FAM107B: variants seen among roughly 807,000 people sequenced by gnomAD.
FAM107B encodes the protein family with sequence similarity 107 member B.
Under a neutral mutation model 31.5 loss-of-function variants are expected in FAM107B, and 21 were observed. That is an observed-to-expected ratio of 0.67 (90% CI 0.47 to 0.96). The LOEUF is 0.96. Among genes scored for constraint, FAM107B ranks in the 40% least tolerant of loss-of-function variants. The pLI is 0.00. For missense variants in FAM107B, 452 were observed against 377.1 expected (o/e 1.20, Z -1.64); for synonymous variants, 157 against 141.5 (o/e 1.11, Z -0.78).
chr10:14,691,893 C>CAAA (rs58734762), intron 1 of FAM107B, among the ~76,000 whole-genome samples: 338 of 129,190 alleles, frequency 2.6e-3, no homozygotes, highest in East Asian at 6.9e-3. Flanking sequence ...GACTCTGTCA[C>CAAA]AAAAAAAAAA....
chr10:14,763,957 T>C (rs1833110712), intron 1 of FAM107B, among the ~76,000 whole-genome samples: 1 of 152,222 alleles, frequency 6.6e-6, no homozygotes, highest in Admixed American at 6.5e-5. Flanking sequence ...GTGTCTATGA[T>C]TTTCTTGTAC....
At chr10:14,568,774 T>C (rs1046635835) in intron 2 of FAM107B, among the ~76,000 whole-genome samples, 1 of 110,438 alleles carries the variant, frequency 9.1e-6, no homozygotes, top group Non-Finnish European at 1.9e-5. Context: ...CAGCACCTGG[T>C]GGAAGAGGCT....
chr10:14,581,366 C>T (rs1277568535), intron 2 of FAM107B, among the ~76,000 whole-genome samples: 2 of 152,142 alleles, frequency 1.3e-5, no homozygotes, highest in African/African-American at 4.8e-5. Context: ...TAGGGTGCCA[C>T]GAGGGAAGCG....
intron 2 of FAM107B, among the ~76,000 whole-genome samples, chr10:14,606,782 G>A (rs563909854): frequency 4.0e-5 from 6 of 151,244 alleles, no homozygotes; most frequent in Admixed American, 1.3e-4. Flanking sequence ...AAGACACAAT[G>A]AAAAGGCCGC....
At chr10:14,694,991 CT>C (rs1214587846) in intron 1 of FAM107B, among the ~76,000 whole-genome samples, 2 of 151,988 alleles carry the variant, frequency 1.3e-5, no homozygotes, top group Admixed American at 6.6e-5. Context: ...TGTGTAGAAG[CT>C]TTTTAGTTTG....
chr10:14,523,961 G>A (rs1845943738), intron 3 of FAM107B, among the ~76,000 whole-genome samples: 1 of 150,916 alleles, frequency 6.6e-6, no homozygotes, highest in Admixed American at 6.6e-5. Flanking sequence ...CTGCCTCCTG[G>A]GCCCCAGCGA....
intron 2 of FAM107B, chr10:14,571,745 C>A: frequency 2.0e-6 from 2 of 981,572 alleles, no homozygotes; most frequent in Non-Finnish European, 2.4e-6. Context: ...ATAGAAAAGT[C>A]CCAGTGTTTA....
intron 2 of FAM107B, among the ~76,000 whole-genome samples, chr10:14,562,580 T>A (rs1409661778): frequency 1.3e-5 from 2 of 152,180 alleles, no homozygotes; most frequent in Non-Finnish European, 2.9e-5. Flanking sequence ...AAACAGATGA[T>A]CATCAAATTT....
At chr10:14,628,773 C>T (rs1205935970) in intron 2 of FAM107B, among the ~76,000 whole-genome samples, 1 of 151,916 alleles carries the variant, frequency 6.6e-6, no homozygotes, top group Admixed American at 6.6e-5. Flanking sequence ...TGGCTTACAC[C>T]TGTAATCCCA....
chr10:14,554,023 T>C (rs1294421576), intron 2 of FAM107B: 2 of 832,012 alleles, frequency 2.4e-6, no homozygotes, highest in African/African-American at 1.8e-5. Context: ...GCTGCAAGGT[T>C]TGCCGCCTCT....
chr10:14,717,210 C>G (rs1855800198), intron 1 of FAM107B, among the ~76,000 whole-genome samples: 1 of 152,208 alleles, frequency 6.6e-6, no homozygotes. Flanking sequence ...GTGGTTTGTT[C>G]TGAAGTCCTG....
At chr10:14,767,101 CAG>C (rs1293912707) in intron 1 of FAM107B, among the ~76,000 whole-genome samples, 671 of 54,864 alleles carry the variant, frequency 0.012, 3 homozygotes, top group African/African-American at 0.029. Flanking sequence ...GAGAGAGAGA[CAG>C]AGAGAGAGAG....
chr10:14,523,859 T>C (rs528561704), intron 3 of FAM107B, among the ~76,000 whole-genome samples: 1 of 151,698 alleles, frequency 6.6e-6, no homozygotes, highest in South Asian at 2.1e-4. Flanking sequence ...AAAATCGGTA[T>C]ATTCCATCTT....
chr10:14,649,391 A>G (rs1005813029), intron 2 of FAM107B, among the ~76,000 whole-genome samples: 3 of 152,128 alleles, frequency 2.0e-5, no homozygotes, highest in Non-Finnish European at 2.9e-5. Flanking sequence ...CTTTTTTCTG[A>G]TCTAGGAGAG....
intron 2 of FAM107B, chr10:14,556,508 G>C: frequency 1.3e-6 from 1 of 744,928 alleles, no homozygotes; most frequent in South Asian, 6.1e-5. Flanking sequence ...GCTCAGCTCT[G>C]GACAAAACAA....
chr10:14,537,604 C>G (rs1472601451), intron 2 of FAM107B, among the ~76,000 whole-genome samples: 1 of 152,098 alleles, frequency 6.6e-6, no homozygotes, highest in Non-Finnish European at 1.5e-5. Context: ...CTTTGGGAGG[C>G]CGAGGCGGGC....
At chr10:14,710,727 TA>T (rs1855626492) in intron 1 of FAM107B, among the ~76,000 whole-genome samples, 1 of 151,934 alleles carries the variant, frequency 6.6e-6, no homozygotes, top group African/African-American at 2.4e-5. Flanking sequence ...AAGTAAAAAA[TA>T]AATTTTTTTA....
At chr10:14,659,257 A>G (rs78075765) in intron 2 of FAM107B, among the ~76,000 whole-genome samples, 12,727 of 152,078 alleles carry the variant, frequency 0.084, 611 homozygotes, top group East Asian at 0.19. Context: ...CCTCACCAAC[A>G]TGGCAAAACC....
At chr10:14,527,667 C>T (rs924664499) in intron 3 of FAM107B, among the ~76,000 whole-genome samples, 1 of 152,210 alleles carries the variant, frequency 6.6e-6, no homozygotes, top group African/African-American at 2.4e-5. Flanking sequence ...TTAGAAAGAG[C>T]ACCAGATGAG....
Sources: gnomAD v4.1 joint callset for allele counts (sites outside exome capture counted in the v4.1 genomes callset) on GRCh38, gnomAD v4.1.1 for gene constraint, MANE v1.5 for transcripts, NCBI Gene and HGNC (gene_info 2026-07-23, HGNC 2026-07-21) for gene names.